The following HEATR5B variants were observed in gnomAD, a reference collection of about 807,000 sequenced individuals.
HEATR5B encodes HEAT repeat containing 5B.
In HEATR5B, 156 loss-of-function variants were observed where a neutral mutation model predicts 224.1. That is an observed-to-expected ratio of 0.70 (90% CI 0.61 to 0.80). HEATR5B has a LOEUF of 0.80. Ranked by LOEUF, HEATR5B falls within the 30% of genes least tolerant of loss-of-function variation. The probability of loss-of-function intolerance (pLI) is 0.00; values close to 1 mark genes in which losing one functional copy is unlikely to be tolerated. For synonymous variants in HEATR5B, 1,027 were observed against 893.0 expected (o/e 1.15, Z -2.68); for missense variants, 2,323 against 2,535.5 (o/e 0.92, Z 1.80).
intron 6 of HEATR5B, among the ~76,000 whole-genome samples, 197 bp downstream of exon 6, chr2:37,071,913 G>A (rs1671931227): frequency 6.6e-6 from 1 of 152,086 alleles, no homozygotes; most frequent in East Asian, 1.9e-4. Context: ...TTGAACTCCT[G>A]ACCTCGTGAT....
chr2:37,031,127 T>G (rs1178179519), intron 22 of HEATR5B, among the ~76,000 whole-genome samples: 2 of 152,204 alleles, frequency 1.3e-5, no homozygotes, highest in Non-Finnish European at 2.9e-5. Flanking sequence ...GGTTGCGATC[T>G]CTATGACTCC....
chr2:37,006,535 G>GGA (rs1667428606), intron 29 of HEATR5B, among the ~76,000 whole-genome samples: 1 of 152,184 alleles, frequency 6.6e-6, no homozygotes, highest in Non-Finnish European at 1.5e-5. Context: ...CAGCTACTTG[G>GGA]GAGGCTGAGG....
At chr2:37,004,909 GCCTC>G (rs1206200709) in intron 30 of HEATR5B, among the ~76,000 whole-genome samples, 1 of 152,028 alleles carries the variant, frequency 6.6e-6, no homozygotes, top group Non-Finnish European at 1.5e-5. Flanking sequence ...CTCAGAACTG[GCCTC>G]CCTGTCTCCC....
At chr2:37,075,822 A>G in intron 4 of HEATR5B, 188 bp from the exon 5 acceptor site, 1 of 402,954 alleles carries the variant, frequency 2.5e-6, no homozygotes, top group South Asian at 7.0e-5. Flanking sequence ...CAATTAAATA[A>G]TATCTTTCTA....
intron 26 of HEATR5B, among the ~76,000 whole-genome samples, chr2:37,019,562 T>G (rs1198566991): frequency 1.3e-5 from 2 of 151,832 alleles, no homozygotes; most frequent in Non-Finnish European, 2.9e-5. Context: ...GCTCAAGATA[T>G]CCACCAACCT....
intron 26 of HEATR5B, among the ~76,000 whole-genome samples, chr2:37,019,483 G>T (rs1023894279): frequency 6.7e-6 from 1 of 149,578 alleles, no homozygotes; most frequent in African/African-American, 2.5e-5. Flanking sequence ...TTGAGACAGG[G>T]TCTCGCTCCG....
At chr2:36,995,311 G>A (rs2541005) in intron 33 of HEATR5B, among the ~76,000 whole-genome samples, 10,150 of 151,820 alleles carry the variant, frequency 0.067, 1,147 homozygotes, top group African/African-American at 0.23. Flanking sequence ...GCCTGGTCTC[G>A]AACTCCTGAC....
At chr2:37,069,072 G>A in intron 7 of HEATR5B, 142 bp from the exon 8 acceptor site, 1 of 884,380 alleles carries the variant, frequency 1.1e-6, no homozygotes, top group Non-Finnish European at 1.7e-6. Context: ...TTAAACTTGA[G>A]GTCTTTTTAC....
chr2:37,060,379 T>C (rs1238490699), intron 12 of HEATR5B, among the ~76,000 whole-genome samples: 2 of 152,186 alleles, frequency 1.3e-5, no homozygotes, highest in Non-Finnish European at 2.9e-5. Context: ...CTAAACACTT[T>C]TTCAGAGTCT....
chr2:37,005,696 C>A lies in HEATR5B; in HGVS notation c.4841G>T (p.Cys1614Phe). ...TAGCAAGGTATGTAAGGCCTGCAGG[C>A]ATGCTGTAACATGTTCAATGGGCTC... ...PEEPIEHVTACLQALHTLLDS... is the reference protein window; with the variant it reads ...PEEPIEHVTAFLQALHTLLDS... Residue 1614 changes from cysteine to phenylalanine, a missense_variant, in exon 30 of 36, where the codon TGC becomes TTC. Cys to Phe is a radical substitution (Grantham distance 205, BLOSUM62 -2). Coordinates refer to ENST00000233099, the MANE Select transcript of HEATR5B (RefSeq NM_019024.3). The A allele has an allele frequency of 1.2e-6, 2 of 1,611,552 alleles. No individual in the cohort carries two copies. Among genetic ancestry groups the A allele is most frequent in the Non-Finnish European group, 8.5e-7 (1 of 1,178,132 alleles).
chr2:37,008,922 A>C (rs1287757201), intron 27 of HEATR5B, 74 bp from the exon 28 acceptor site: 7 of 958,294 alleles, frequency 7.3e-6, no homozygotes. Flanking sequence ...TTATTATAAA[A>C]ATACAGTTAA....
intron 24 of HEATR5B, among the ~76,000 whole-genome samples, chr2:37,025,688 T>C (rs937119311): frequency 6.6e-6 from 1 of 151,772 alleles, no homozygotes; most frequent in South Asian, 2.1e-4. Context: ...CCTGTGAGGA[T>C]CTCTGAGAAC....
intron 10 of HEATR5B, among the ~76,000 whole-genome samples, chr2:37,063,343 G>C (rs1426201838): frequency 1.3e-5 from 2 of 152,058 alleles, no homozygotes; most frequent in Non-Finnish European, 2.9e-5. Flanking sequence ...AAAAAGGCCA[G>C]GGAAGGAAGG....
At chr2:37,003,824 T>TA (rs548218026) in intron 30 of HEATR5B, 138 bp from the exon 31 acceptor site, 28 of 498,160 alleles carry the variant, frequency 5.6e-5, no homozygotes, top group East Asian at 5.3e-4. Context: ...ACGTAACAAA[T>TA]AAGAACATTG....
At chr2:37,041,373 G>A in intron 18 of HEATR5B, 81 bp from the exon 19 acceptor site, 1 of 1,238,110 alleles carries the variant, frequency 8.1e-7, no homozygotes, top group Non-Finnish European at 1.2e-6. Context: ...CACAAAAACT[G>A]GGATTTATTG....
chr2:37,028,659 A>G, intron 23 of HEATR5B, 22 bp downstream of exon 23: 5 of 1,604,906 alleles, frequency 3.1e-6, no homozygotes, highest in Non-Finnish European at 3.4e-6. Flanking sequence ...CATTATTTTA[A>G]GAACGCACAT....
chr2:37,017,178 C>T (rs1426708394), intron 26 of HEATR5B, among the ~76,000 whole-genome samples: 4 of 152,126 alleles, frequency 2.6e-5, no homozygotes, highest in Non-Finnish European at 2.9e-5. Flanking sequence ...TGAGGTCAGG[C>T]ATTCAAGACC....
rs1572820772 is a variant in HEATR5B at position 37,019,834 on chromosome 2, G to C, written c.4079C>G (p.Ser1360Ter). ...LRPAFSQDTP[S>*]DIIAKACQVC... Reference sequence around the variant, plus strand: ...CTGGCAAGCTTTCGCTATTATATCTGATGGTGTATCTTGTGAAAAGGCTGG... The same window carrying C: ...CTGGCAAGCTTTCGCTATTATATCTCATGGTGTATCTTGTGAAAAGGCTGG... Residue 1360 changes from serine (S) to a stop codon, truncating the protein, a stop_gained, in exon 26 of 36, where the codon TCA becomes TGA. Coordinates refer to ENST00000233099, the MANE Select transcript of HEATR5B (RefSeq NM_019024.3). LOFTEE classifies it high-confidence loss of function. 6.2e-7 allele frequency: 1 copy of C among 1,610,124 alleles called. No individual in the cohort carries two copies. The highest frequency in any genetic ancestry group is 8.5e-7 in the Non-Finnish European group (1 of 1,177,764).
intron 17 of HEATR5B, among the ~76,000 whole-genome samples, 195 bp from the exon 18 acceptor site, chr2:37,050,038 A>G (rs545075265): frequency 1.3e-5 from 2 of 151,794 alleles, no homozygotes; most frequent in Non-Finnish European, 2.9e-5. Flanking sequence ...CTATAGGCGC[A>G]TGCCACCCTG....
Sources: gnomAD v4.1 joint callset for allele counts (sites outside exome capture counted in the v4.1 genomes callset) on GRCh38, gnomAD v4.1.1 for gene constraint, MANE v1.5 for transcripts, NCBI Gene and HGNC (gene_info 2026-07-23, HGNC 2026-07-21) for gene names.